The following ACKR2 variants were observed in gnomAD, a reference collection of about 807,000 sequenced individuals.
ACKR2 encodes atypical chemokine receptor 2.
For missense variants in ACKR2, 457 were observed against 477.3 expected (o/e 0.96, Z 0.40); for synonymous variants, 207 against 192.2 (o/e 1.08, Z -0.64).
At chr3:42,846,188 G>A (rs17842066) in intron 2 of ACKR2, among the ~76,000 whole-genome samples, 3,001 of 152,190 alleles carry the variant, frequency 0.02, 79 homozygotes, top group African/African-American at 0.052. Flanking sequence ...TTATTGTTCG[G>A]CCCCTAGTGC....
intron 2 of ACKR2, among the ~76,000 whole-genome samples, chr3:42,860,106 A>G (rs1022856948): frequency 1.4e-5 from 2 of 148,138 alleles, no homozygotes; most frequent in Non-Finnish European, 3.0e-5. Flanking sequence ...TCACGTCCAA[A>G]GACACACATA....
At chr3:42,810,414 C>A (rs1259053881) in intron 1 of ACKR2, among the ~76,000 whole-genome samples, 1 of 151,820 alleles carries the variant, frequency 6.6e-6, no homozygotes, top group African/African-American at 2.4e-5. Flanking sequence ...AGTACCCCCC[C>A]CCAATTTTTC....
At chr3:42,809,997 G>T (rs1559681606) in intron 1 of ACKR2, among the ~76,000 whole-genome samples, 2 of 152,150 alleles carry the variant, frequency 1.3e-5, no homozygotes, top group African/African-American at 4.8e-5. Flanking sequence ...GGTAAGACAG[G>T]TTGGTTAGAA....
At chr3:42,822,511 C>G (rs973201061) in intron 2 of ACKR2, among the ~76,000 whole-genome samples, 1 of 152,100 alleles carries the variant, frequency 6.6e-6, no homozygotes, top group African/African-American at 2.4e-5. Flanking sequence ...GCCTCAACTT[C>G]CCAGGGCCCA....
intron 2 of ACKR2, among the ~76,000 whole-genome samples, chr3:42,841,221 A>G (rs1025431352): frequency 6.6e-6 from 1 of 152,242 alleles, no homozygotes; most frequent in Non-Finnish European, 1.5e-5. Flanking sequence ...TAATGCCTTA[A>G]ATACAAGATC....
chr3:42,844,397 G>A (rs1197950708), intron 2 of ACKR2, among the ~76,000 whole-genome samples: 1 of 152,114 alleles, frequency 6.6e-6, no homozygotes, highest in African/African-American at 2.4e-5. Flanking sequence ...CAAGGGCAAG[G>A]GAGGTGGGGT....
chr3:42,853,056 T>C (rs1701179942), intron 2 of ACKR2, among the ~76,000 whole-genome samples: 1 of 152,104 alleles, frequency 6.6e-6, no homozygotes, highest in Non-Finnish European at 1.5e-5. Context: ...AAAAAAGGTA[T>C]CTGGAAACAC....
At chr3:42,849,245 G>A (rs1701127801) in intron 2 of ACKR2, among the ~76,000 whole-genome samples, 1 of 152,078 alleles carries the variant, frequency 6.6e-6, no homozygotes, top group African/African-American at 2.4e-5. Context: ...CTCGTGGCTA[G>A]AATCCCAGCA....
chr3:42,861,596 A>G (rs1407972386), intron 2 of ACKR2, among the ~76,000 whole-genome samples: 1 of 152,238 alleles, frequency 6.6e-6, no homozygotes, highest in East Asian at 1.9e-4. Context: ...CCTGATGAAC[A>G]TCGATGCAAA....
At chr3:42,861,816 C>G (rs980189345) in intron 2 of ACKR2, among the ~76,000 whole-genome samples, 1 of 152,132 alleles carries the variant, frequency 6.6e-6, no homozygotes, top group Admixed American at 6.5e-5. Context: ...ATTCAACACC[C>G]CTTCATGCTA....
At chr3:42,856,399 G>A in intron 2 of ACKR2, 1 of 702,922 alleles carries the variant, frequency 1.4e-6, no homozygotes, top group Non-Finnish European at 2.6e-6. Flanking sequence ...AGTTCCATCA[G>A]CCATGAGATC....
In ACKR2 at chr3:42,864,734, A is replaced by G. The variant is rs766694745; in HGVS notation, c.232A>G (p.Arg78Gly). 1.9e-6 allele frequency: 3 copies of G among 1,614,200 alleles called. No individual in the cohort carries two copies. The highest frequency in any genetic ancestry group is 1.1e-5 in the South Asian group (1 of 91,074). The change falls in exon 3 of 3, where the codon AGG becomes GGG. Residue 78 changes from arginine to glycine, a missense_variant. Arg to Gly is a moderately radical substitution (Grantham distance 125). Coordinates refer to ENST00000422265, the MANE Select transcript of ACKR2 (RefSeq NM_001296.5). ...LMVLLRYVPR[R>G]RMVEIYLLNL... ...GGTCTTGCTCCGTTACGTGCCTCGC[A>G]GGCGGATGGTTGAGATCTATCTGCT...
chr3:42,816,373 C>G (rs551884346), intron 1 of ACKR2, among the ~76,000 whole-genome samples: 2 of 152,118 alleles, frequency 1.3e-5, no homozygotes, highest in Admixed American at 6.5e-5. Context: ...AGTGTCTTAC[C>G]TTTTATATTG....
chr3:42,814,949 G>C (rs187947784), intron 1 of ACKR2, among the ~76,000 whole-genome samples: 203 of 152,248 alleles, frequency 1.3e-3, no homozygotes, highest in African/African-American at 4.8e-3. Flanking sequence ...AGCAAACAGA[G>C]GGCAGAAGAA....
intron 1 of ACKR2, among the ~76,000 whole-genome samples, chr3:42,812,067 C>T (rs1700702350): frequency 6.6e-6 from 1 of 152,194 alleles, no homozygotes; most frequent in South Asian, 2.1e-4. Context: ...ATGCTGAGCG[C>T]CGGTCCCCTG....
At chr3:42,847,426 G>C (rs991421074) in intron 2 of ACKR2, among the ~76,000 whole-genome samples, 8 of 152,146 alleles carry the variant, frequency 5.3e-5, no homozygotes, top group Admixed American at 3.3e-4. Flanking sequence ...CTGAGGTTCT[G>C]GCATAACAGC....
At chr3:42,860,164 CAAAAAAAAAAAAAA>C (rs565028940) in intron 2 of ACKR2, among the ~76,000 whole-genome samples, 1 of 8,050 alleles carries the variant, frequency 1.2e-4, no homozygotes, top group East Asian at 2.8e-3. Flanking sequence ...AAATGGAAAG[CAAAAAAAAAAAAAA>C]AAAAAAAAAA....
chr3:42,816,639 C>T (rs1700753351), intron 1 of ACKR2, among the ~76,000 whole-genome samples: 1 of 151,828 alleles, frequency 6.6e-6, no homozygotes, highest in Admixed American at 6.6e-5. Flanking sequence ...TCACTGAAAC[C>T]TCTGCCTCAT....
At chr3:42,811,637 A>G (rs1350086333) in intron 1 of ACKR2, among the ~76,000 whole-genome samples, 1 of 152,082 alleles carries the variant, frequency 6.6e-6, no homozygotes, top group African/African-American at 2.4e-5. Context: ...GAGGATTAGT[A>G]AAAGAGGAAG....
Sources: allele counts gnomAD v4.1 joint callset (sites outside exome capture counted in the v4.1 genomes callset), GRCh38; gene constraint gnomAD v4.1.1; transcripts MANE v1.5; gene names NCBI Gene and HGNC (gene_info 2026-07-23, HGNC 2026-07-21).